The following GALNT17 variants were observed in gnomAD, a reference collection of about 807,000 sequenced individuals.
The protein encoded by GALNT17 is polypeptide N-acetylgalactosaminyltransferase 17, also known as UDP-GalNAc:polypeptide N-acetylgalactosaminyltransferase-like 3.
A neutral mutation model predicts 63.7 loss-of-function variants in GALNT17; 29 were observed. That is an observed-to-expected ratio of 0.46 (90% confidence interval 0.34 to 0.62). The LOEUF (loss-of-function observed/expected upper bound fraction) is 0.62, where lower values mean the gene tolerates loss of function less well. GALNT17 is among the 20% of genes least tolerant of loss of function. The probability of loss-of-function intolerance (pLI) is 0.01; values close to 1 mark genes in which losing one functional copy is unlikely to be tolerated. For missense variants in GALNT17, 603 were observed against 799.6 expected, an observed-to-expected ratio of 0.75 and a Z score of 2.97; for synonymous variants, 305 against 318.3, an observed-to-expected ratio of 0.96 and a Z score of 0.45.
chr7:71,532,791 T>C (rs36115209), intron 5 of GALNT17, among the ~76,000 whole-genome samples: 34,493 of 152,174 alleles, frequency 0.23, 5,124 homozygotes, highest in Non-Finnish European at 0.32. Context: ...ACAAAGGAAT[T>C]AAAAAAGTAG....
chr7:71,666,349 T>C (rs1790984992), intron 7 of GALNT17, among the ~76,000 whole-genome samples: 1 of 148,314 alleles, frequency 6.7e-6, no homozygotes, highest in Non-Finnish European at 1.5e-5. Context: ...ATATAATATA[T>C]AAAATATATA....
intron 1 of GALNT17, among the ~76,000 whole-genome samples, chr7:71,176,906 GTGCATTAAATGCCA>G (rs1342602847): frequency 6.6e-6 from 1 of 152,182 alleles, no homozygotes; most frequent in Non-Finnish European, 1.5e-5. Flanking sequence ...GAATTTGAAT[GTGCATTAAATGCCA>G]TGCCTGCCCT....
At position 71,408,694 on chromosome 7, in the gene GALNT17, C is replaced by T. The variant is rs1387996036; in HGVS notation, c.590-7195C>T. On this transcript the variant is annotated intron_variant, in intron 3 of 10. Coordinates refer to ENST00000333538, the MANE Select transcript of GALNT17 (RefSeq NM_022479.3). ...TTTGAAACCAGCCCGGGTAACATAG[C>T]GAGACCTCATCTATACAAAATAAAA... Among the ~76,000 whole-genome samples, 26 of 151,998 alleles carry T rather than the reference C, an allele frequency of 1.7e-4. No individual in the cohort carries two copies. The South Asian group carries it at 3.3e-3, about 19-fold the overall frequency.
intron 1 of GALNT17, among the ~76,000 whole-genome samples, chr7:71,328,832 A>G (rs528322686): frequency 6.6e-6 from 1 of 152,170 alleles, no homozygotes; most frequent in Non-Finnish European, 1.5e-5. Context: ...CCACATAAGG[A>G]GAAAAAAATC....
chr7:71,418,012 C>A (rs943573683), intron 4 of GALNT17, among the ~76,000 whole-genome samples: 1 of 152,204 alleles, frequency 6.6e-6, no homozygotes, highest in Non-Finnish European at 1.5e-5. Flanking sequence ...TTGGCAGATA[C>A]TTGCTAGATG....
chr7:71,541,459 A>C (rs1788890531), intron 5 of GALNT17, among the ~76,000 whole-genome samples: 1 of 152,150 alleles, frequency 6.6e-6, no homozygotes, highest in African/African-American at 2.4e-5. Context: ...TGGCTAAGGC[A>C]GGAGAATCGC....
intron 1 of GALNT17, among the ~76,000 whole-genome samples, chr7:71,227,717 TA>T (rs1209223854): frequency 6.6e-6 from 1 of 152,194 alleles, no homozygotes; most frequent in Non-Finnish European, 1.5e-5. Context: ...ATTGATGTTT[TA>T]ATTTAATGAA....
intron 5 of GALNT17, among the ~76,000 whole-genome samples, chr7:71,530,884 A>G (rs1788710115): frequency 6.6e-6 from 1 of 152,076 alleles, no homozygotes; most frequent in Non-Finnish European, 1.5e-5. Flanking sequence ...TTTATTTTTA[A>G]CAAGCTCTCC....
chr7:71,557,400 A>G (rs554636739), intron 5 of GALNT17, among the ~76,000 whole-genome samples: 46 of 152,244 alleles, frequency 3.0e-4, no homozygotes, highest in African/African-American at 1.1e-3. Flanking sequence ...TCAGCCCTGG[A>G]AGTTGAAGAG....
At chr7:71,368,924 G>A (rs186015756) in intron 2 of GALNT17, among the ~76,000 whole-genome samples, 2 of 148,568 alleles carry the variant, frequency 1.3e-5, no homozygotes, top group African/African-American at 2.6e-5. Context: ...TCGGGGGTGG[G>A]GGGGGGTGTT....
intron 9 of GALNT17, among the ~76,000 whole-genome samples, chr7:71,697,417 G>T (rs1397586005): frequency 6.6e-6 from 1 of 152,166 alleles, no homozygotes; most frequent in Non-Finnish European, 1.5e-5. Flanking sequence ...ATGCAAATTT[G>T]TGGATGAAAG....
intron 1 of GALNT17, among the ~76,000 whole-genome samples, chr7:71,236,060 A>G (rs977388896): frequency 2.0e-5 from 3 of 152,212 alleles, no homozygotes; most frequent in East Asian, 3.9e-4. Flanking sequence ...AGGCACCTGT[A>G]ATCCCAGCTA....
intron 6 of GALNT17, among the ~76,000 whole-genome samples, chr7:71,643,320 T>A (rs1236520471): frequency 6.6e-6 from 1 of 151,760 alleles, no homozygotes; most frequent in Non-Finnish European, 1.5e-5. Flanking sequence ...ATACAAAACT[T>A]AGGTGGGCGT....
intron 3 of GALNT17, among the ~76,000 whole-genome samples, chr7:71,408,048 A>G (rs546538256): frequency 6.6e-6 from 1 of 152,284 alleles, no homozygotes; most frequent in Non-Finnish European, 1.5e-5. Context: ...TAAAATGGTC[A>G]AAACATTTTA....
At chr7:71,387,352 G>A (rs1792965238) in intron 2 of GALNT17, among the ~76,000 whole-genome samples, 1 of 151,608 alleles carries the variant, frequency 6.6e-6, no homozygotes, top group Non-Finnish European at 1.5e-5. Context: ...GGGGAACAGG[G>A]TCTCATTATG....
chr7:71,325,129 C>G (rs1337179181), intron 1 of GALNT17, among the ~76,000 whole-genome samples: 2 of 152,216 alleles, frequency 1.3e-5, no homozygotes, highest in Non-Finnish European at 2.9e-5. Context: ...CTCAAACCCC[C>G]AGGAGTACAT....
In GALNT17 at chr7:71,687,852, T is replaced by C. The variant is rs151026250; in HGVS notation, c.1500+10546T>C. Among the ~76,000 whole-genome samples, 772 of 152,280 alleles carry C rather than the reference T, an allele frequency of 5.1e-3. 8 individuals are homozygous for C. Among genetic ancestry groups the C allele is most frequent in the African/African-American group, 0.017 (725 of 41,566 alleles). The stretch of plus-strand genomic sequence containing the variant: ...CCCAGACTACAGGTGCACACCACCA[T>C]GCCTAGCTAATTTTTTTGTGTTATT... On this transcript the variant is annotated intron_variant, in intron 9 of 10. Coordinates refer to ENST00000333538, the MANE Select transcript of GALNT17 (RefSeq NM_022479.3).
At chr7:71,295,830 A>G (rs987243208) in intron 1 of GALNT17, among the ~76,000 whole-genome samples, 1 of 151,942 alleles carries the variant, frequency 6.6e-6, no homozygotes, top group African/African-American at 2.4e-5. Context: ...CCTGGCCTCA[A>G]GCAATCTTCC....
intron 1 of GALNT17, among the ~76,000 whole-genome samples, chr7:71,211,759 T>C (rs1249343677): frequency 1.3e-5 from 2 of 152,198 alleles, no homozygotes; most frequent in African/African-American, 2.4e-5. Flanking sequence ...ATTCTTGTTA[T>C]GTTTTAGCTA....
Sources: allele counts gnomAD v4.1 joint callset (sites outside exome capture counted in the v4.1 genomes callset), GRCh38; gene constraint gnomAD v4.1.1; transcripts MANE v1.5; gene names NCBI Gene and HGNC (gene_info 2026-07-23, HGNC 2026-07-21).